The following ARIH2 variants were observed in gnomAD, a reference collection of about 807,000 sequenced individuals.
ARIH2 encodes E3 ubiquitin-protein ligase ARIH2.
A neutral mutation model predicts 79.8 loss-of-function variants in ARIH2; 12 were observed. That is an observed-to-expected ratio of 0.15 (90% CI 0.10 to 0.24). The LOEUF (loss-of-function observed/expected upper bound fraction) is 0.24. ARIH2 is among the 10% of genes least tolerant of loss of function. The probability of loss-of-function intolerance (pLI) is 1.00; values close to 1 mark genes in which losing one functional copy is unlikely to be tolerated. For synonymous variants in ARIH2, 224 were observed against 213.9 expected (o/e 1.05, Z -0.41); for missense variants, 301 against 618.3 (o/e 0.49, Z 5.44).
chr3:48,969,940 G>T (rs890757994), intron 7 of ARIH2, among the ~76,000 whole-genome samples: 1 of 151,098 alleles, frequency 6.6e-6, no homozygotes, highest in Non-Finnish European at 1.5e-5. Flanking sequence ...ACCGAGGCCG[G>T]AGTACAGGGA....
At chr3:48,924,484 G>T (rs1387640718) in intron 2 of ARIH2, among the ~76,000 whole-genome samples, 1 of 151,602 alleles carries the variant, frequency 6.6e-6, no homozygotes, top group Non-Finnish European at 1.5e-5. Flanking sequence ...CAGGACTACA[G>T]ACGCATGACC....
rs1299127319 is a variant in ARIH2 at position 48,984,175 on chromosome 3, T to G, written c.*905T>G. The stretch of plus-strand genomic sequence containing the variant: ...AAATAAATTTGCTTTACCTTGGTCC[T>G]TTCTTTTGTGCCAGTATTCAAGTGG... On this transcript the variant is annotated 3_prime_UTR_variant, in exon 16 of 16. Coordinates refer to ENST00000356401, the MANE Select transcript of ARIH2 (RefSeq NM_006321.4). The G allele has an allele frequency of 2.0e-5, 3 of 152,700 alleles. No individual in the cohort carries two copies. The East Asian group carries it at 5.8e-4, about 29-fold the overall frequency. The allele number at this position is 152,700 out of a possible 1,614,324, so 9.5% of individuals were successfully genotyped here. A position where few individuals can be genotyped will look rare whatever the true frequency, so the allele number is the denominator to read the frequency against.
chr3:48,944,431 C>G (rs1403733786), intron 3 of ARIH2, among the ~76,000 whole-genome samples: 1 of 152,072 alleles, frequency 6.6e-6, no homozygotes, highest in Non-Finnish European at 1.5e-5. Context: ...GCAATTAGAA[C>G]TGAATCAAGG....
At chr3:48,930,596 G>A (rs1455181819) in intron 3 of ARIH2, among the ~76,000 whole-genome samples, 2 of 152,044 alleles carry the variant, frequency 1.3e-5, no homozygotes, top group Non-Finnish European at 2.9e-5. Flanking sequence ...TCCTCTACAA[G>A]CATGAGCTAC....
chr3:48,943,731 G>C (rs1417208344), intron 3 of ARIH2, among the ~76,000 whole-genome samples: 2 of 152,182 alleles, frequency 1.3e-5, no homozygotes, highest in Non-Finnish European at 2.9e-5. Context: ...ATTGAAACAT[G>C]CTGTTGGAAT....
chr3:48,948,086 G>C (rs2089439692), intron 3 of ARIH2, among the ~76,000 whole-genome samples: 2 of 151,720 alleles, frequency 1.3e-5, no homozygotes, highest in African/African-American at 4.8e-5. Flanking sequence ...TCAGCCTCCT[G>C]AGTAGCTGGG....
At chr3:48,968,803 C>T in intron 7 of ARIH2, 148 bp downstream of exon 7, 1 of 1,026,646 alleles carries the variant, frequency 9.7e-7, no homozygotes, top group Non-Finnish European at 1.4e-6. Flanking sequence ...AGTTTGAAAA[C>T]CACTGGAGTG....
chr3:48,973,920 G>T, intron 9 of ARIH2, 104 bp downstream of exon 9: 1 of 844,020 alleles, frequency 1.2e-6, no homozygotes, highest in Non-Finnish European at 1.9e-6. Flanking sequence ...AGAGCCCCAG[G>T]ACCCTTCCTG....
chr3:48,980,457 C>T lies in ARIH2; in HGVS notation c.1218C>T (p.Asp406=). 1 of 1,614,174 alleles carries T rather than the reference C, an allele frequency of 6.2e-7. No homozygotes were observed. Among genetic ancestry groups the T allele is most frequent in the Non-Finnish European group, 8.5e-7 (1 of 1,180,016 alleles). The change falls in exon 13 of 16, where the codon GAC becomes GAT. Residue 406 remains aspartate (D), a synonymous_variant. Coordinates refer to ENST00000356401, the MANE Select transcript of ARIH2 (RefSeq NM_006321.4). ...TGAACAATCTGGGGACATGGATCGACTGGCAGTACCTACAGAATGCTGCCA... is the reference window on the plus strand; with the variant it reads ...TGAACAATCTGGGGACATGGATCGATTGGCAGTACCTACAGAATGCTGCCA... ...RVMNNLGTWI[D]WQYLQNAAKL... is the part of the protein sequence containing the mutation.
chr3:48,970,484 C>A, intron 7 of ARIH2, 111 bp from the exon 8 acceptor site: 1 of 719,898 alleles, frequency 1.4e-6, no homozygotes, highest in Non-Finnish European at 2.5e-6. Context: ...ATAGCCCCTT[C>A]GTATAAGTCA....
In ARIH2 at chr3:48,982,884, C is replaced by G; in HGVS notation, c.1327-12C>G. 3.1e-6 allele frequency: 5 copies of G among 1,613,328 alleles called. No homozygotes were observed. The highest frequency in any genetic ancestry group is 4.2e-6 in the Non-Finnish European group (5 of 1,179,294). On this transcript the variant is annotated splice_polypyrimidine_tract_variant and intron_variant, in intron 14 of 15. Coordinates refer to ENST00000356401, the MANE Select transcript of ARIH2 (RefSeq NM_006321.4). ...CCACTCACCTTTTGACCCTCCTGCTCTGCCTATACAGTTTGAATACCAGCA... is the reference window on the plus strand; with the variant it reads ...CCACTCACCTTTTGACCCTCCTGCTGTGCCTATACAGTTTGAATACCAGCA...
rs773388389 is a variant in ARIH2, at chr3:48,964,957, G to A, written c.362G>A (p.Arg121Gln). The A allele has an allele frequency of 3.7e-6, 6 of 1,613,496 alleles. No individual in the cohort carries two copies. Among genetic ancestry groups the A allele is most frequent in the South Asian group, 1.1e-5 (1 of 91,052 alleles). ...TCTGCTCAACTGCTTGTTGAGGCTC[G>A]AGTTCAGCCTAATCCATCAAAACAT... The part of the protein sequence containing the change: ...SNSAQLLVEA[R>Q]VQPNPSKHVP... The change falls in exon 5 of 16, where the codon CGA becomes CAA. Residue 121 changes from arginine (R) to glutamine (Q), a missense_variant. Transcript: ENST00000356401.
intron 3 of ARIH2, among the ~76,000 whole-genome samples, chr3:48,940,649 G>C (rs2087985630): frequency 6.6e-6 from 1 of 151,724 alleles, no homozygotes; most frequent in Non-Finnish European, 1.5e-5. Context: ...ACAAAAATTA[G>C]TCAGGCATGG....
chr3:48,968,452 G>T, intron 6 of ARIH2, 82 bp from the exon 7 acceptor site: 1 of 1,404,952 alleles, frequency 7.1e-7, no homozygotes. Context: ...CAGGTGATCT[G>T]CCTGCCTTGG....
chr3:48,923,480 TGGG>T (rs2085122487), intron 2 of ARIH2, among the ~76,000 whole-genome samples: 1 of 150,764 alleles, frequency 6.6e-6, no homozygotes, highest in South Asian at 2.1e-4. Context: ...TTTTTAGAAA[TGGG>T]AGCATTTATA....
intron 3 of ARIH2, among the ~76,000 whole-genome samples, chr3:48,954,403 C>G (rs1230091893): frequency 2.0e-5 from 3 of 151,742 alleles, no homozygotes; most frequent in African/African-American, 7.3e-5. Context: ...CACTACTGCA[C>G]TCCAGTCGGA....
rs2092707625 is a variant in ARIH2 at position 48,980,505 on chromosome 3, C to T, written c.1257+9C>T. On this transcript the variant is annotated intron_variant, in intron 13 of 15. Coordinates refer to ENST00000356401, the MANE Select transcript of ARIH2 (RefSeq NM_006321.4). ...CCAAGCTCTTGGCCAAGGTATCTACCACTTCACTCATCTTATCCCTGGTCC... is the reference window on the plus strand; with the variant it reads ...CCAAGCTCTTGGCCAAGGTATCTACTACTTCACTCATCTTATCCCTGGTCC... The T allele has an allele frequency of 3.7e-6, 6 of 1,613,352 alleles. No individual in the cohort carries two copies. The highest frequency in any genetic ancestry group is 5.1e-6 in the Non-Finnish European group (6 of 1,179,578).
At chr3:48,944,202 T>A (rs570226344) in intron 3 of ARIH2, among the ~76,000 whole-genome samples, 1 of 152,238 alleles carries the variant, frequency 6.6e-6, no homozygotes, top group Non-Finnish European at 1.5e-5. Context: ...AGGGCTGGAA[T>A]GGAGACATAG....
rs1325774375 is a variant in ARIH2 at position 48,927,654 on chromosome 3, T to A, written c.96T>A (p.Pro32=). 6.2e-7 allele frequency: 1 copy of A among 1,613,870 alleles called. No homozygotes were observed. Among genetic ancestry groups the A allele is most frequent in the Admixed American group, 1.7e-5 (1 of 59,910 alleles). Residue 32 remains proline (P), a synonymous_variant, in exon 3 of 16, where the codon CCT becomes CCA. Coordinates refer to ENST00000356401, the MANE Select transcript of ARIH2 (RefSeq NM_006321.4). ...EEEEEEEEDD[P]GDIEDYYVGV... is the part of the protein sequence containing the mutation. ...AGGAAGAAGAAGAAGAAGACGACCC[T>A]GGGGACATAGAGGACTATTACGTGG...
Sources: allele counts gnomAD v4.1 joint callset (sites outside exome capture counted in the v4.1 genomes callset), GRCh38; gene constraint gnomAD v4.1.1; transcripts MANE v1.5; gene names NCBI Gene and HGNC (gene_info 2026-07-23, HGNC 2026-07-21).